ZNF385D: variants seen among roughly 807,000 people sequenced by gnomAD.
The protein encoded by ZNF385D is zinc finger protein 385D, also known as zinc finger protein 659.
ZNF385D carries 15 observed loss-of-function variants against 35.8 expected under a neutral mutation model. The observed-to-expected ratio is 0.42, with a 90% CI of 0.28 to 0.64. The LOEUF is 0.64. Among genes scored for constraint, ZNF385D ranks in the 30% least tolerant of loss-of-function variants. The pLI is 0.23. For missense variants in ZNF385D, 474 were observed against 494.6 expected, an observed-to-expected ratio of 0.96 and a Z score of 0.39; for synonymous variants, 212 against 186.8, an observed-to-expected ratio of 1.13 and a Z score of -1.10.
rs562045882 is a variant in ZNF385D, at chr3:22,359,167, A to G, written c.106+13283T>C. 3.8e-4 allele frequency among the ~76,000 whole-genome samples: 58 copies of G among 151,916 alleles called. No individual in the cohort carries two copies. In the South Asian group the frequency reaches 6.0e-3, roughly 16 times the overall value. ...ATTACTGGGAACAAAATGAAAATCC[A>G]ATGTTGAATAACATCTCAGTGGTCA... On this transcript the variant is annotated intron_variant, in intron 2 of 5. Transcript: ENST00000494108.
rs115526836 is a variant in ZNF385D, at chr3:21,853,712, C to A, written c.326-188684G>T. Among the ~76,000 whole-genome samples the A allele has an allele frequency of 7.9e-3, 1,192 of 151,766 alleles. 16 individuals are homozygous for A. The highest frequency in any genetic ancestry group is 0.028 in the African/African-American group (1,145 of 41,504). ...TAATGTGACTCTTGACATGTCATTTCATCACGATGAGTGAATTTCCTCATC... is the reference window on the plus strand; with the variant it reads ...TAATGTGACTCTTGACATGTCATTTAATCACGATGAGTGAATTTCCTCATC... On this transcript the variant is annotated intron_variant, in intron 3 of 5. Coordinates refer to the ZNF385D transcript ENST00000494108.
At chr3:22,115,347 A>G (rs1333277393) in intron 3 of ZNF385D, among the ~76,000 whole-genome samples, 2 of 152,236 alleles carry the variant, frequency 1.3e-5, no homozygotes, top group East Asian at 1.9e-4. Flanking sequence ...TGATTATAAT[A>G]CAATAGGGAA....
At chr3:21,933,748 T>G (rs1260683508) in intron 3 of ZNF385D, among the ~76,000 whole-genome samples, 2 of 152,206 alleles carry the variant, frequency 1.3e-5, no homozygotes, top group African/African-American at 4.8e-5. Context: ...GAAAGTCAAA[T>G]TGTTTCAACT....
intron 1 of ZNF385D, among the ~76,000 whole-genome samples, chr3:21,727,435 G>A (rs181346240): frequency 1.5e-3 from 235 of 152,138 alleles, no homozygotes; most frequent in Non-Finnish European, 2.8e-3. Flanking sequence ...CTGACAAAAG[G>A]CTAATATCCA....
At chr3:21,678,317 C>T (rs1048236956) in intron 1 of ZNF385D, among the ~76,000 whole-genome samples, 10 of 152,082 alleles carry the variant, frequency 6.6e-5, no homozygotes, top group Admixed American at 5.2e-4. Context: ...AAATGGGAGA[C>T]TTTCATTCCT....
intron 2 of ZNF385D, among the ~76,000 whole-genome samples, chr3:21,602,517 CTTTTTTTTTTTTTTTTT>C (rs746138066): frequency 0.026 from 1,623 of 62,732 alleles, 195 homozygotes; most frequent in Admixed American, 0.22. Context: ...CCTGCATTTT[CTTTTTTTTTTTTTTTTT>C]TTTTTTTTTG....
intron 3 of ZNF385D, among the ~76,000 whole-genome samples, chr3:21,981,860 A>G (rs746299695): frequency 1.3e-5 from 2 of 152,114 alleles, no homozygotes; most frequent in Non-Finnish European, 2.9e-5. Flanking sequence ...TTTGTTGACG[A>G]TCAGATGTTC....
chr3:21,876,562 G>A lies in ZNF385D; in HGVS notation c.326-211534C>T, dbSNP rs140104292. On this transcript the variant is annotated intron_variant, in intron 3 of 5. Transcript: ENST00000494108. ...CCTTCAATCAACTGACATTTATTAC[G>A]TTTATTGAGCACCTACTATGTCTCA... Among the ~76,000 whole-genome samples, 494 of 151,874 alleles carry A rather than the reference G, an allele frequency of 3.3e-3. 3 individuals are homozygous for A. The highest frequency in any genetic ancestry group is 0.014 in the Middle Eastern group (4 of 294).
intron 2 of ZNF385D, among the ~76,000 whole-genome samples, chr3:22,239,063 T>C (rs567256997): frequency 6.6e-6 from 1 of 151,046 alleles, no homozygotes; most frequent in East Asian, 1.9e-4. Context: ...CTAATTTTAA[T>C]TTTTTAAAGT....
intron 2 of ZNF385D, among the ~76,000 whole-genome samples, chr3:22,318,474 G>A (rs1260795412): frequency 6.6e-6 from 1 of 152,146 alleles, no homozygotes; most frequent in African/African-American, 2.4e-5. Context: ...AAATTATGGA[G>A]CTGGAGATGT....
chr3:21,751,386 G>T, upstream of ZNF385D: 1 of 1,029,960 alleles, frequency 9.7e-7, no homozygotes, highest in South Asian at 3.6e-5. Context: ...CTTAAAGCGA[G>T]AAGAGTGTCG....
At chr3:21,614,270 C>G (rs1179839402) in intron 2 of ZNF385D, among the ~76,000 whole-genome samples, 3 of 152,152 alleles carry the variant, frequency 2.0e-5, no homozygotes, top group Non-Finnish European at 4.4e-5. Context: ...GCCTTAACCT[C>G]TGTGTGTTCA....
intron 1 of ZNF385D, among the ~76,000 whole-genome samples, chr3:21,704,655 T>C (rs2067831218): frequency 6.6e-6 from 1 of 151,894 alleles, no homozygotes; most frequent in African/African-American, 2.4e-5. Flanking sequence ...ACTACAGGCA[T>C]GCACCACCAG....
chr3:22,075,421 C>A (rs17010726), intron 3 of ZNF385D, among the ~76,000 whole-genome samples: 6,415 of 151,914 alleles, frequency 0.042, 469 homozygotes, highest in African/African-American at 0.14. Flanking sequence ...AATGCTCCTG[C>A]AAAAGTTGTC....
At chr3:21,586,236 T>G (rs2063807891) in intron 2 of ZNF385D, among the ~76,000 whole-genome samples, 1 of 152,086 alleles carries the variant, frequency 6.6e-6, no homozygotes, top group Non-Finnish European at 1.5e-5. Context: ...TATGTTGGAA[T>G]ACAAATATTG....
intron 2 of ZNF385D, among the ~76,000 whole-genome samples, chr3:22,325,964 C>CAT (rs1575123021): frequency 6.6e-6 from 1 of 151,964 alleles, no homozygotes; most frequent in Non-Finnish European, 1.5e-5. Flanking sequence ...CCCAAAGTAC[C>CAT]ATACCTCATA....
intron 3 of ZNF385D, among the ~76,000 whole-genome samples, chr3:21,879,882 A>G (rs1698185883): frequency 6.6e-6 from 1 of 151,962 alleles, no homozygotes; most frequent in African/African-American, 2.4e-5. Flanking sequence ...TAATGGTTTC[A>G]TCTTTCAAGG....
chr3:21,995,477 C>T (rs548524792), intron 3 of ZNF385D, among the ~76,000 whole-genome samples: 4 of 152,200 alleles, frequency 2.6e-5, no homozygotes, highest in South Asian at 4.2e-4. Context: ...GACCCATCTC[C>T]AGGCCCCCTG....
intron 3 of ZNF385D, among the ~76,000 whole-genome samples, chr3:21,546,871 A>G (rs2062391690): frequency 6.6e-6 from 1 of 150,636 alleles, no homozygotes; most frequent in Non-Finnish European, 1.5e-5. Flanking sequence ...TCACTTTTGC[A>G]CTCACGGTGG....
Sources: allele counts gnomAD v4.1 joint callset (sites outside exome capture counted in the v4.1 genomes callset), GRCh38; gene constraint gnomAD v4.1.1; transcripts MANE v1.5; gene names NCBI Gene and HGNC (gene_info 2026-07-23, HGNC 2026-07-21).